PLD5: variants seen among roughly 807,000 people sequenced by gnomAD.
PLD5 encodes the protein inactive phospholipase D5.
A neutral mutation model predicts 61.1 loss-of-function variants in PLD5; 36 were observed. The ratio of observed to expected loss-of-function variants is 0.59; its 90% confidence interval spans 0.45 to 0.78. PLD5 has a LOEUF of 0.78. Ranked by LOEUF, PLD5 falls within the 30% of genes least tolerant of loss-of-function variation. The pLI is 0.00. For missense variants in PLD5, 515 were observed against 644.4 expected (o/e 0.80, Z 2.17); for synonymous variants, 243 against 242.8 (o/e 1.00, Z -0.01).
chr1:242,498,532 T>C (rs1317345931), intron 1 of PLD5, among the ~76,000 whole-genome samples: 1 of 152,232 alleles, frequency 6.6e-6, no homozygotes, highest in Non-Finnish European at 1.5e-5. Context: ...AGAAAAACAT[T>C]GTTATGTTGT....
chr1:242,423,929 C>A (rs1489935145), intron 1 of PLD5, among the ~76,000 whole-genome samples: 1 of 152,166 alleles, frequency 6.6e-6, no homozygotes, highest in East Asian at 1.9e-4. Flanking sequence ...CTGATACAAT[C>A]TTACTCATGC....
chr1:242,526,592 C>T (rs1349854094), upstream of PLD5, among the ~76,000 whole-genome samples: 2 of 152,150 alleles, frequency 1.3e-5, no homozygotes, highest in Non-Finnish European at 2.9e-5. Context: ...CACGTCACCA[C>T]GCCCAGCTAA....
chr1:242,165,711 C>T (rs188664975), intron 5 of PLD5, among the ~76,000 whole-genome samples: 171 of 152,276 alleles, frequency 1.1e-3, no homozygotes, highest in African/African-American at 3.9e-3. Flanking sequence ...AAGCAGGGCT[C>T]GGTCATCCTT....
intron 3 of PLD5, among the ~76,000 whole-genome samples, chr1:242,269,371 G>A (rs1472687652): frequency 6.6e-6 from 1 of 151,690 alleles, no homozygotes; most frequent in Admixed American, 6.6e-5. Context: ...GCAGGAAGCT[G>A]TACCCCCAAA....
At chr1:242,503,520 A>G (rs1327227711) in intron 1 of PLD5, among the ~76,000 whole-genome samples, 1 of 152,196 alleles carries the variant, frequency 6.6e-6, no homozygotes, top group Non-Finnish European at 1.5e-5. Flanking sequence ...AAATGATCTA[A>G]CAACACCCCT....
chr1:242,151,592 G>A (rs1453592993), intron 5 of PLD5, among the ~76,000 whole-genome samples: 4 of 151,752 alleles, frequency 2.6e-5, no homozygotes, highest in Non-Finnish European at 1.5e-5. Flanking sequence ...TTGGATCTTT[G>A]GTTTTCCGCA....
At chr1:242,172,795 C>G (rs186254527) in intron 5 of PLD5, among the ~76,000 whole-genome samples, 2 of 152,218 alleles carry the variant, frequency 1.3e-5, no homozygotes, top group Admixed American at 6.5e-5. Context: ...GGATAAATTC[C>G]TGGACACATA....
intron 1 of PLD5, among the ~76,000 whole-genome samples, chr1:242,396,363 T>C (rs1223499325): frequency 6.6e-6 from 1 of 152,144 alleles, no homozygotes. Context: ...AATGGAAATG[T>C]CTACAAAGAA....
chr1:242,162,060 G>A (rs573321307), intron 5 of PLD5, among the ~76,000 whole-genome samples: 4 of 152,006 alleles, frequency 2.6e-5, no homozygotes, highest in East Asian at 2.0e-4. Flanking sequence ...TTTGGCATAC[G>A]TTTTTTTAAA....
chr1:242,197,540 G>C (rs527939374), intron 5 of PLD5, among the ~76,000 whole-genome samples: 2 of 151,792 alleles, frequency 1.3e-5, no homozygotes, highest in Non-Finnish European at 2.9e-5. Context: ...TCTCCAACCA[G>C]TTCCTCTCCA....
intron 3 of PLD5, among the ~76,000 whole-genome samples, chr1:242,287,885 AAAC>A (rs760058039): frequency 1.3e-5 from 2 of 152,222 alleles, no homozygotes; most frequent in East Asian, 1.9e-4. Context: ...CAGTCGAGAA[AAAC>A]AACTATCCTG....
At chr1:242,323,311 G>A (rs1317710008) in intron 2 of PLD5, among the ~76,000 whole-genome samples, 1 of 152,082 alleles carries the variant, frequency 6.6e-6, no homozygotes, top group Non-Finnish European at 1.5e-5. Context: ...TAAAACTGAG[G>A]CTGGGTGATT....
At chr1:242,194,624 ATCT>A (rs1668509404) in intron 5 of PLD5, among the ~76,000 whole-genome samples, 2 of 132,558 alleles carry the variant, frequency 1.5e-5, no homozygotes, top group African/African-American at 5.6e-5. Flanking sequence ...CTATGTATCT[ATCT>A]ATCTATCTAT....
chr1:242,384,042 C>T (rs10926715), intron 1 of PLD5, among the ~76,000 whole-genome samples: 39,523 of 152,134 alleles, frequency 0.26, 5,588 homozygotes, highest in Middle Eastern at 0.39. Flanking sequence ...ACTTCGGCAA[C>T]GGCTGAGCCA....
chr1:242,526,259 A>T (rs182089449), upstream of PLD5, among the ~76,000 whole-genome samples: 59 of 152,224 alleles, frequency 3.9e-4, 1 homozygote, highest in African/African-American at 1.3e-3. Context: ...GGTGGTGCTC[A>T]TCTGTGGTTT....
At chr1:242,202,374 G>A (rs1669037490) in intron 5 of PLD5, among the ~76,000 whole-genome samples, 1 of 152,180 alleles carries the variant, frequency 6.6e-6, no homozygotes, top group Non-Finnish European at 1.5e-5. Context: ...TGATGATGAT[G>A]TTAGCTCACA....
intron 5 of PLD5, among the ~76,000 whole-genome samples, chr1:242,140,136 A>T (rs7553782): frequency 6.6e-6 from 1 of 152,276 alleles, no homozygotes; most frequent in African/African-American, 2.4e-5. Context: ...ATGAGGACCA[A>T]TGTTTGACTC....
intron 1 of PLD5, among the ~76,000 whole-genome samples, chr1:242,442,177 CA>C (rs2102908729): frequency 6.6e-6 from 1 of 152,336 alleles, no homozygotes; most frequent in Admixed American, 6.5e-5. Context: ...CATCATGAGA[CA>C]TTCCAAAGGC....
At chr1:242,237,696 C>T (rs1671729802) in intron 4 of PLD5, among the ~76,000 whole-genome samples, 1 of 152,168 alleles carries the variant, frequency 6.6e-6, no homozygotes, top group African/African-American at 2.4e-5. Context: ...ACATGGATGC[C>T]ATGTAGGCCA....
Sources: gnomAD v4.1 joint callset for allele counts (sites outside exome capture counted in the v4.1 genomes callset) on GRCh38, gnomAD v4.1.1 for gene constraint, MANE v1.5 for transcripts, NCBI Gene and HGNC (gene_info 2026-07-23, HGNC 2026-07-21) for gene names.